Variants in IDO2 observed in about 807,000 individuals in gnomAD.
IDO2 encodes indoleamine 2,3-dioxygenase-like 1 protein.
A neutral mutation model predicts 45.1 loss-of-function variants in IDO2; 46 were observed. The observed-to-expected ratio is 1.02, with a 90% CI of 0.80 to 1.30. The LOEUF is 1.30. Among genes scored for constraint, IDO2 ranks in the 50% most tolerant of loss-of-function variants. The probability of loss-of-function intolerance (pLI) is 0.00; values close to 1 mark genes in which losing one functional copy is unlikely to be tolerated. For missense variants in IDO2, 544 were observed against 491.8 expected (o/e 1.11, Z -1.00); for synonymous variants, 218 against 184.9 (o/e 1.18, Z -1.45).
intron 1 of IDO2, among the ~76,000 whole-genome samples, chr8:39,944,848 G>T (rs1439242232): frequency 7.9e-5 from 12 of 152,216 alleles, no homozygotes; most frequent in Middle Eastern, 3.4e-3. Flanking sequence ...TCTCTCGGTC[G>T]CTGGCTAATA....
intron 4 of IDO2, among the ~76,000 whole-genome samples, chr8:39,982,080 C>T (rs975692358): frequency 6.6e-6 from 1 of 152,096 alleles, no homozygotes; most frequent in Non-Finnish European, 1.5e-5. Flanking sequence ...CCTAGGTGCA[C>T]ACACAGGTTT....
Position 39,994,949 on chromosome 8 carries a change from CAA to C in IDO2, c.667+5112_667+5113del, listed in dbSNP as rs199553646. Among the ~76,000 whole-genome samples the C allele has an allele frequency of 8.0e-3, 1,212 of 151,956 alleles. 13 individuals are homozygous for C. The highest frequency in any genetic ancestry group is 0.027 in the African/African-American group (1,128 of 41,438). ...TCTAAGCTTAGTTTACTGCAAAGAT[CAA>C]GAGCACACTACTAGTTGACGGCCTC... On this transcript the variant is annotated intron_variant, in intron 8 of 10. Transcript: ENST00000502986.
Position 39,982,645 on chromosome 8 carries a change from C to T in IDO2, c.316-7C>T, listed in dbSNP as rs775621136. On this transcript the variant is annotated splice_region_variant and splice_polypyrimidine_tract_variant and intron_variant, in intron 4 of 10. Transcript: ENST00000502986. The stretch of plus-strand genomic sequence containing the variant: ...ATATGCTATTTGTCTGGATTTATAT[C>T]TGAAAGGTCCTGCCAAGGAATCTTG... 1.9e-6 allele frequency: 3 copies of T among 1,570,106 alleles called. No homozygotes were observed. The South Asian group carries it at 3.4e-5, about 18-fold the overall frequency.
chr8:39,974,956 A>T (rs1016337362), intron 3 of IDO2, among the ~76,000 whole-genome samples: 2 of 151,652 alleles, frequency 1.3e-5, no homozygotes, highest in African/African-American at 4.8e-5. Context: ...ACAAAAGCAC[A>T]AAATTAGCTG....
At chr8:39,987,560 A>G in intron 6 of IDO2, 1 of 236,664 alleles carries the variant, frequency 4.2e-6, no homozygotes, top group Non-Finnish European at 8.3e-6. Flanking sequence ...GTGGAGAATC[A>G]GCTACATCTC....
At chr8:39,939,953 C>A (rs1807619124) in intron 1 of IDO2, among the ~76,000 whole-genome samples, 1 of 123,796 alleles carries the variant, frequency 8.1e-6, no homozygotes, top group African/African-American at 3.0e-5. Flanking sequence ...TCTCCTTGGG[C>A]CATTTCCAAA....
In IDO2 at chr8:39,996,344, T is replaced by C. The variant is rs982475605; in HGVS notation, c.667+6506T>C. Among the ~76,000 whole-genome samples the C allele has an allele frequency of 3.9e-5, 6 of 152,346 alleles. No individual in the cohort carries two copies. In the South Asian group the frequency reaches 1.0e-3, roughly 26 times the overall value. ...GTGAAAGTACTAAAAGTCTTTGAAA[T>C]GCAGAAGTAATGGCGTAAGCTGTCA... is the stretch of plus-strand genomic sequence containing the variant. On this transcript the variant is annotated intron_variant, in intron 8 of 10. Coordinates refer to ENST00000502986, the Ensembl canonical transcript of IDO2.
At chr8:39,998,748 C>T (rs1213949712) in intron 8 of IDO2, among the ~76,000 whole-genome samples, 1 of 145,606 alleles carries the variant, frequency 6.9e-6, no homozygotes, top group South Asian at 2.2e-4. Context: ...TCAAGCAATT[C>T]TCGTGCCTCA....
intron 1 of IDO2, among the ~76,000 whole-genome samples, chr8:39,940,343 C>T (rs140612177): frequency 2.4e-4 from 37 of 152,196 alleles, no homozygotes; most frequent in African/African-American, 7.2e-4. Context: ...ATTGGGCTTA[C>T]GGCTAAAGGA....
chr8:39,970,786 G>A (rs1057352671), intron 3 of IDO2, among the ~76,000 whole-genome samples: 3 of 36,666 alleles, frequency 8.2e-5, no homozygotes, highest in Non-Finnish European at 1.5e-4. Flanking sequence ...TTTTTTTTTT[G>A]AGACAGAGTC....
intron 8 of IDO2, among the ~76,000 whole-genome samples, chr8:39,990,076 T>C (rs577352247): frequency 6.6e-6 from 1 of 152,322 alleles, no homozygotes; most frequent in Admixed American, 6.5e-5. Flanking sequence ...GTTTCCCTTC[T>C]GCAGTGGCCA....
At chr8:40,010,337 G>A (rs1585422550) in intron 9 of IDO2, among the ~76,000 whole-genome samples, 1 of 152,136 alleles carries the variant, frequency 6.6e-6, no homozygotes, top group Non-Finnish European at 1.5e-5. Flanking sequence ...AAGCCAGCAG[G>A]GCCGCAACAC....
At chr8:39,949,018 T>C in intron 1 of IDO2, 131 bp from the exon 2 acceptor site, 1 of 1,185,826 alleles carries the variant, frequency 8.4e-7, no homozygotes, top group Non-Finnish European at 1.1e-6. Flanking sequence ...CATGATGATC[T>C]GGAATTCAAC....
At chr8:39,957,811 T>C (rs1807926639) in intron 2 of IDO2, among the ~76,000 whole-genome samples, 1 of 152,226 alleles carries the variant, frequency 6.6e-6, no homozygotes, top group African/African-American at 2.4e-5. Flanking sequence ...CTGCTTCAAA[T>C]TCTAATCTTT....
chr8:39,941,522 A>T (rs943765123), intron 1 of IDO2, among the ~76,000 whole-genome samples: 1 of 152,148 alleles, frequency 6.6e-6, no homozygotes, highest in Non-Finnish European at 1.5e-5. Context: ...GAGCTCTTGA[A>T]AGTTTTATTG....
At chr8:39,989,149 G>A (rs576499654) in intron 7 of IDO2, among the ~76,000 whole-genome samples, 19 of 152,278 alleles carry the variant, frequency 1.2e-4, no homozygotes, top group African/African-American at 3.9e-4. Context: ...ACCTCTTCAC[G>A]AGGCAGCAGG....
At chr8:39,980,493 A>C (rs960421566) in intron 4 of IDO2, among the ~76,000 whole-genome samples, 2 of 152,060 alleles carry the variant, frequency 1.3e-5, no homozygotes, top group African/African-American at 4.8e-5. Flanking sequence ...TACAGTTTCC[A>C]CCCACAGTGT....
intron 3 of IDO2, among the ~76,000 whole-genome samples, chr8:39,964,799 G>C (rs757186708): frequency 6.6e-6 from 1 of 152,160 alleles, no homozygotes; most frequent in Non-Finnish European, 1.5e-5. Flanking sequence ...ATAGAGAAAA[G>C]TTCCAATGAT....
At chr8:39,972,397 T>C (rs961027636) in intron 3 of IDO2, among the ~76,000 whole-genome samples, 6 of 151,540 alleles carry the variant, frequency 4.0e-5, no homozygotes, top group East Asian at 3.9e-4. Context: ...TCACTTGAGG[T>C]TGAGTTTGAG....
Sources: allele counts gnomAD v4.1 joint callset (sites outside exome capture counted in the v4.1 genomes callset), GRCh38; gene constraint gnomAD v4.1.1; transcripts MANE v1.5; gene names NCBI Gene and HGNC (gene_info 2026-07-23, HGNC 2026-07-21).